TJP2: variants seen among roughly 807,000 people sequenced by gnomAD.
The protein encoded by TJP2 is tight junction protein 2, also known as Friedreich ataxia region gene X104 (tight junction protein ZO-2).
TJP2 carries 91 observed loss-of-function variants against 133.1 expected under a neutral mutation model. The observed-to-expected ratio is 0.68, with a 90% CI of 0.58 to 0.81. The LOEUF is 0.81. TJP2 is among the 40% of genes least tolerant of loss of function. The probability of loss-of-function intolerance (pLI) is 0.00; values close to 1 mark genes in which losing one functional copy is unlikely to be tolerated. For missense variants in TJP2, 1,541 were observed against 1,565.6 expected, an observed-to-expected ratio of 0.98 and a Z score of 0.26; for synonymous variants, 592 against 583.4, an observed-to-expected ratio of 1.01 and a Z score of -0.21.
Position 69,223,398 on chromosome 9 carries a change from C to T in TJP2, c.952+1902C>T, listed in dbSNP as rs566006543. On this transcript the variant is annotated intron_variant, in intron 5 of 22. Transcript: ENST00000377245. Reference sequence around the variant, plus strand: ...TCTCGGCTCACTGCAGGCTCCATCTCCCGGGTTCACACCATTCTCCTGCCT... The same window carrying T: ...TCTCGGCTCACTGCAGGCTCCATCTTCCGGGTTCACACCATTCTCCTGCCT... Among the ~76,000 whole-genome samples, 753 of 152,304 alleles carry T rather than the reference C, an allele frequency of 4.9e-3. 4 individuals are homozygous for T. Among genetic ancestry groups the T allele is most frequent in the African/African-American group, 0.017 (704 of 41,562 alleles).
At position 69,239,948 on chromosome 9, in the gene TJP2, A is replaced by G. The variant is rs75668442; in HGVS notation, c.2367A>G (p.Ala789=). Residue 789 remains alanine (A), a synonymous_variant, in exon 17 of 23, where the codon GCA becomes GCG. Coordinates refer to ENST00000377245, the MANE Select transcript of TJP2 (RefSeq NM_004817.4). ...CCTTTTGTAAACAGGATAAGCATGC[A>G]CTACTGGATGTGACTCCGAAAGCTG... ...VRQIIEQDKH[A]LLDVTPKAVD... 3,211 of 1,614,080 alleles carry G rather than the reference A, an allele frequency of 2.0e-3. 54 individuals are homozygous for G. In the African/African-American group the frequency reaches 0.039, roughly 19 times the overall value.
chr9:69,253,076 C>T (rs1831458759), intron 22 of TJP2, 176 bp downstream of exon 22: 1 of 646,924 alleles, frequency 1.5e-6, no homozygotes, highest in African/African-American at 1.8e-5. Context: ...AGAGTCAAAA[C>T]TTAAGCATAG....
rs1822236936 is a variant in TJP2 at position 69,123,570 on chromosome 9, G to C, written c.-131+1845G>C. Among the ~76,000 whole-genome samples the C allele has an allele frequency of 2.6e-5, 2 of 77,532 alleles. 1 individual carries two copies. Among genetic ancestry groups the C allele is most frequent in the African/African-American group, 7.9e-5 (2 of 25,440 alleles). The allele number at this position is 77,532 out of a possible 152,430, so 50.9% of individuals were successfully genotyped here. A position where few individuals can be genotyped will look rare whatever the true frequency, so the allele number is the denominator to read the frequency against. On this transcript the variant is annotated intron_variant, in intron 1 of 5. Coordinates refer to the TJP2 transcript ENST00000423935. ...TAAGAGAATGTATAGTAAATGTGTA[G>C]TAGAATCACGCTGGCAGAATATGAA...
chr9:69,123,368 A>G lies in TJP2; in HGVS notation c.-131+1643A>G, dbSNP rs1822233175. ...TGGACCCTTAATTCAATATTGTGCC[A>G]CCATCACCACTACCCATTTCCAGAA... On this transcript the variant is annotated intron_variant, in intron 1 of 5. Coordinates refer to the TJP2 transcript ENST00000423935. Among the ~76,000 whole-genome samples, 4 of 76,582 alleles carry G rather than the reference A, an allele frequency of 5.2e-5. 1 individual carries two copies. In the South Asian group the frequency reaches 1.5e-3, roughly 28 times the overall value. The allele number at this position is 76,582 out of a possible 152,430, so 50.2% of individuals were successfully genotyped here.
intron 7 of TJP2, 129 bp from the exon 8 acceptor site, chr9:69,227,635 TA>T: frequency 1.5e-6 from 1 of 674,274 alleles, no homozygotes; most frequent in Admixed American, 2.7e-5. Flanking sequence ...ACTATTAGAC[TA>T]ATAGCACATT....
At chr9:69,199,212 G>C (rs925498625) in intron 1 of TJP2, among the ~76,000 whole-genome samples, 1 of 152,124 alleles carries the variant, frequency 6.6e-6, no homozygotes, top group African/African-American at 2.4e-5. Flanking sequence ...ATTTGAGTTC[G>C]TTTGTAAAAT....
intron 1 of TJP2, among the ~76,000 whole-genome samples, chr9:69,199,098 T>A (rs1034663468): frequency 6.6e-6 from 1 of 152,214 alleles, no homozygotes; most frequent in Non-Finnish European, 1.5e-5. Context: ...ACCAATTTCC[T>A]GGGGGCAGGT....
At chr9:69,175,948 C>G (rs1429562582) in intron 1 of TJP2, among the ~76,000 whole-genome samples, 2 of 152,106 alleles carry the variant, frequency 1.3e-5, no homozygotes, top group Admixed American at 6.6e-5. Flanking sequence ...CTGAATGAGC[C>G]CCTACTCCTG....
At chr9:69,160,419 C>A (rs1477004666) in intron 2 of TJP2, among the ~76,000 whole-genome samples, 1 of 152,186 alleles carries the variant, frequency 6.6e-6, no homozygotes, top group Non-Finnish European at 1.5e-5. Context: ...ATTTGATGTA[C>A]CTTCTACAAA....
chr9:69,145,683 C>T (rs937725800), intron 1 of TJP2: 1 of 1,214,184 alleles, frequency 8.2e-7, no homozygotes, highest in Non-Finnish European at 1.0e-6. Flanking sequence ...ATTTACAGGA[C>T]CTTGTACCGA....
intron 1 of TJP2, among the ~76,000 whole-genome samples, chr9:69,150,701 T>C (rs5006364): frequency 0.38 from 58,014 of 152,074 alleles, 11,247 homozygotes; most frequent in Non-Finnish European, 0.4. Context: ...TCAGGTGGAC[T>C]GGTGATACCA....
chr9:69,179,795 G>A (rs1052061600), intron 1 of TJP2, among the ~76,000 whole-genome samples: 14 of 152,098 alleles, frequency 9.2e-5, no homozygotes, highest in South Asian at 4.1e-4. Flanking sequence ...CACCGCGCCC[G>A]GCTGAAAGTG....
At chr9:69,143,121 T>C (rs1455086723) in intron 1 of TJP2, among the ~76,000 whole-genome samples, 2 of 152,264 alleles carry the variant, frequency 1.3e-5, no homozygotes, top group Non-Finnish European at 2.9e-5. Flanking sequence ...TTCTTTCTAA[T>C]ATTTGCTAAG....
intron 14 of TJP2, 100 bp from the exon 15 acceptor site, chr9:69,237,778 T>C (rs1830299608): frequency 5.9e-6 from 5 of 851,824 alleles, no homozygotes; most frequent in Non-Finnish European, 7.9e-6. Context: ...ACAGTTTCTT[T>C]CGTTTAGTTA....
At chr9:69,252,256 A>T (rs572162406) in intron 21 of TJP2, among the ~76,000 whole-genome samples, 48 of 152,208 alleles carry the variant, frequency 3.2e-4, no homozygotes, top group African/African-American at 1.1e-3. Context: ...CAGCCTCCCA[A>T]AGTGCTAGGA....
At chr9:69,227,028 G>A (rs1329209689) in intron 7 of TJP2, among the ~76,000 whole-genome samples, 1 of 152,060 alleles carries the variant, frequency 6.6e-6, no homozygotes, top group African/African-American at 2.4e-5. Context: ...AATAAAAATA[G>A]TTAATCACAG....
intron 2 of TJP2, among the ~76,000 whole-genome samples, chr9:69,156,293 G>C (rs12379603): frequency 0.38 from 58,385 of 151,958 alleles, 11,398 homozygotes; most frequent in African/African-American, 0.41. Context: ...GAACCTGGGA[G>C]GCAGAGGTTG....
At chr9:69,123,209 T>TAGTTGGTGTGTGATTTTGGTTTTTA (rs1456608196) in intron 1 of TJP2, among the ~76,000 whole-genome samples, 1 of 83,680 alleles carries the variant, frequency 1.2e-5, no homozygotes, top group Non-Finnish European at 2.8e-5. Flanking sequence ...ACCAGGACAC[T>TAGTTGGTGTGTGATTTTGGTTTTTA]CTACAGCCGC....
chr9:69,221,612 G>T, intron 5 of TJP2, 116 bp downstream of exon 5: 1 of 1,394,660 alleles, frequency 7.2e-7, no homozygotes, highest in Non-Finnish European at 9.8e-7. Context: ...GGAGGGAAGT[G>T]GCGTGATCTC....
Sources: gnomAD v4.1 joint callset for allele counts (sites outside exome capture counted in the v4.1 genomes callset) on GRCh38, gnomAD v4.1.1 for gene constraint, MANE v1.5 for transcripts, NCBI Gene and HGNC (gene_info 2026-07-23, HGNC 2026-07-21) for gene names.